The following GATA4 variants were observed in gnomAD, a reference collection of about 807,000 sequenced individuals.
GATA4 encodes GATA binding protein 4, also known as transcription factor GATA-4.
Under a neutral mutation model 37.9 loss-of-function variants are expected in GATA4, and 7 were observed. That is an observed-to-expected ratio of 0.18 (90% CI 0.11 to 0.35). GATA4 has a LOEUF of 0.35. GATA4 is among the 10% of genes least tolerant of loss of function. The pLI is 1.00. For missense variants in GATA4, 647 were observed against 653.0 expected (o/e 0.99, Z 0.10); for synonymous variants, 372 against 292.6 (o/e 1.27, Z -2.77).
intron 1 of GATA4, among the ~76,000 whole-genome samples, chr8:11,693,522 AACACAC>A (rs140439542): frequency 0.11 from 11,580 of 109,438 alleles, 854 homozygotes; most frequent in Non-Finnish European, 0.15. Flanking sequence ...ATTCAGCACA[AACACAC>A]ACACACACAC....
chr8:11,758,515 G>T lies in GATA4; in HGVS notation c.*40G>T. 2 of 1,606,968 alleles carry T rather than the reference G, an allele frequency of 1.2e-6. No individual in the cohort carries two copies. The highest frequency in any genetic ancestry group is 1.7e-6 in the Non-Finnish European group (2 of 1,173,608). ...TCCTCAAATTCCTGCACGGACCTGG[G>T]ACTTGGAGGATAGCAAAGAAGGAGG... On this transcript the variant is annotated 3_prime_UTR_variant, in exon 7 of 7. Coordinates refer to ENST00000532059, the MANE Select transcript of GATA4 (RefSeq NM_001308093.3).
At chr8:11,690,467 A>G (rs1052358881), upstream of GATA4, among the ~76,000 whole-genome samples, 1 of 152,232 alleles carries the variant, frequency 6.6e-6, no homozygotes, top group African/African-American at 2.4e-5. Flanking sequence ...AGGCAGATGT[A>G]TAGACAGGTT....
At chr8:11,678,885 T>G (rs1798864238) in intron 1 of GATA4, among the ~76,000 whole-genome samples, 1 of 152,242 alleles carries the variant, frequency 6.6e-6, no homozygotes, top group South Asian at 2.1e-4. Flanking sequence ...GGGGGAGCCT[T>G]AAAAACAATT....
chr8:11,758,240 C>G (rs1299751564), intron 6 of GATA4, 53 bp from the exon 7 acceptor site: 29 of 1,599,862 alleles, frequency 1.8e-5, no homozygotes, highest in Admixed American at 3.3e-5. Context: ...CTAGACCTCC[C>G]AAGCCCTCAG....
chr8:11,758,692 C>T lies in GATA4; in HGVS notation c.*217C>T, dbSNP rs746560516. 2 of 600,996 alleles carry T rather than the reference C, an allele frequency of 3.3e-6. No homozygotes were observed. The highest frequency in any genetic ancestry group is 1.8e-5 in the African/African-American group (1 of 54,198). 37.2% of individuals were successfully genotyped at this position (600,996 alleles called of 1,614,324 possible). On this transcript the variant is annotated 3_prime_UTR_variant, in exon 7 of 7. Transcript: ENST00000532059. Reference sequence around the variant, plus strand: ...CGCTGATGGGACTGGAGGGAGCCCACCCTTCAGCACGAGCACACTGCATCT... The same window carrying T: ...CGCTGATGGGACTGGAGGGAGCCCATCCTTCAGCACGAGCACACTGCATCT...
At chr8:11,747,782 T>C (rs1217496278) in intron 2 of GATA4, among the ~76,000 whole-genome samples, 2 of 152,196 alleles carry the variant, frequency 1.3e-5, no homozygotes, top group African/African-American at 4.8e-5. Flanking sequence ...AGTTAAATGA[T>C]GGCACCTTTA....
intron 5 of GATA4, chr8:11,756,387 G>T: frequency 5.6e-6 from 1 of 177,364 alleles, no homozygotes; most frequent in South Asian, 1.2e-4. Context: ...ATGTCCCCTG[G>T]GTAACCTTAT....
intron 2 of GATA4, among the ~76,000 whole-genome samples, chr8:11,720,384 C>T (rs890131230): frequency 5.3e-5 from 8 of 152,048 alleles, no homozygotes; most frequent in African/African-American, 1.4e-4. Flanking sequence ...GGTAGGTTTC[C>T]ACGGCTGCCT....
At chr8:11,712,594 C>T (rs576546693) in intron 2 of GATA4, among the ~76,000 whole-genome samples, 4 of 151,524 alleles carry the variant, frequency 2.6e-5, no homozygotes, top group African/African-American at 9.7e-5. Context: ...CAGTGGCTCA[C>T]ACCTGTAATC....
chr8:11,703,102 G>T (rs970448636), upstream of GATA4, among the ~76,000 whole-genome samples: 4 of 152,096 alleles, frequency 2.6e-5, no homozygotes, highest in Non-Finnish European at 5.9e-5. Flanking sequence ...TTTCGTGCAG[G>T]GTGTTATCCC....
At chr8:11,737,725 T>C (rs935923359) in intron 2 of GATA4, among the ~76,000 whole-genome samples, 5 of 152,142 alleles carry the variant, frequency 3.3e-5, no homozygotes, top group African/African-American at 1.2e-4. Flanking sequence ...ATTTTCCCAT[T>C]AGGGAATTAA....
chr8:11,750,021 A>G (rs1802221307), intron 3 of GATA4, 90 bp from the exon 4 acceptor site: 1 of 1,576,680 alleles, frequency 6.3e-7, no homozygotes, highest in Admixed American at 1.7e-5. Context: ...GCCTCCCGTT[A>G]GGGAGGCCCA....
At chr8:11,717,315 ACT>A (rs756487969) in intron 2 of GATA4, among the ~76,000 whole-genome samples, 25 of 152,244 alleles carry the variant, frequency 1.6e-4, no homozygotes, top group Admixed American at 2.0e-4. Context: ...CTGGCTAACA[ACT>A]TTTTAGCGAG....
At chr8:11,756,502 A>C in intron 5 of GATA4, 1 of 230,954 alleles carries the variant, frequency 4.3e-6, no homozygotes. Context: ...AGCAAAACCT[A>C]TTTTGAACAG....
At chr8:11,757,269 G>A (rs1395401663) in intron 6 of GATA4, among the ~76,000 whole-genome samples, 186 bp downstream of exon 6, 1 of 152,222 alleles carries the variant, frequency 6.6e-6, no homozygotes, top group Non-Finnish European at 1.5e-5. Flanking sequence ...ACGAGGCTAG[G>A]GGCATCTGCA....
chr8:11,740,626 A>G (rs895065885), intron 2 of GATA4, among the ~76,000 whole-genome samples: 31 of 152,244 alleles, frequency 2.0e-4, no homozygotes, highest in African/African-American at 7.0e-4. Flanking sequence ...CAGTCTTTGT[A>G]AAAAATGTAT....
Position 11,758,547 on chromosome 8 carries a change from G to C in GATA4, c.*72G>C. ...AGGATAGCAAAGAAGGAGGCCCTGG[G>C]CTCCCAGGGGCCGGCCTCCTCTGCC... is the stretch of plus-strand genomic sequence containing the variant. On this transcript the variant is annotated 3_prime_UTR_variant, in exon 7 of 7. Transcript: ENST00000532059. 6.8e-7 allele frequency: 1 copy of C among 1,481,098 alleles called. No homozygotes were observed. Among genetic ancestry groups the C allele is most frequent in the East Asian group, 2.3e-5 (1 of 44,186 alleles). The allele number at this position is 1,481,098 out of a possible 1,614,324, so 91.7% of individuals were successfully genotyped here.
intron 1 of GATA4, chr8:11,681,321 C>A (rs1798963456): frequency 1.0e-6 from 1 of 985,422 alleles, no homozygotes; most frequent in East Asian, 1.1e-4. Flanking sequence ...CACCACTTCT[C>A]GACCTGCGCC....
rs1050759982 is a variant in GATA4 at position 11,756,961 on chromosome 8, C to T, written c.1027C>T (p.Pro343Ser). ...AAPSGSESLP[P>S]ASGASSNSSN... The stretch of plus-strand genomic sequence containing the variant: ...TCCTTCAGGCAGTGAGAGCCTTCCT[C>T]CCGCCAGCGGTGCTTCCAGCAACTC... Residue 343 changes from proline to serine, a missense_variant, in exon 6 of 7, where the codon CCC (proline) becomes TCC (serine). Coordinates refer to ENST00000532059, the MANE Select transcript of GATA4 (RefSeq NM_001308093.3). 6 of 1,614,150 alleles carry T rather than the reference C, an allele frequency of 3.7e-6. No individual in the cohort carries two copies. The highest frequency in any genetic ancestry group is 5.1e-6 in the Non-Finnish European group (6 of 1,180,060).
Sources: gnomAD v4.1 joint callset for allele counts (sites outside exome capture counted in the v4.1 genomes callset) on GRCh38, gnomAD v4.1.1 for gene constraint, MANE v1.5 for transcripts, NCBI Gene and HGNC (gene_info 2026-07-23, HGNC 2026-07-21) for gene names.